NAALADL2: variants seen among roughly 807,000 people sequenced by gnomAD.
NAALADL2 encodes inactive N-acetylated-alpha-linked acidic dipeptidase-like protein 2.
In NAALADL2, 76 loss-of-function variants were observed where a neutral mutation model predicts 87.2. The ratio of observed to expected loss-of-function variants is 0.87; its 90% CI spans 0.72 to 1.05. NAALADL2 has a LOEUF of 1.05. Among genes scored for constraint, NAALADL2 ranks in the 50% least tolerant of loss-of-function variants. The pLI is 0.00. For missense variants in NAALADL2, 1,089 were observed against 945.8 expected, an observed-to-expected ratio of 1.15 and a Z score of -1.99; for synonymous variants, 354 against 331.0, an observed-to-expected ratio of 1.07 and a Z score of -0.75.
intron 3 of NAALADL2, among the ~76,000 whole-genome samples, chr3:175,252,812 G>A (rs1749286145): frequency 6.6e-6 from 1 of 152,148 alleles, no homozygotes. Flanking sequence ...AAGTTTGAGT[G>A]ATCAGGATAG....
chr3:174,874,078 C>T (rs2109639770), intron 1 of NAALADL2, among the ~76,000 whole-genome samples: 1 of 152,076 alleles, frequency 6.6e-6, no homozygotes, highest in Middle Eastern at 3.4e-3. Flanking sequence ...GCCTCCAGCC[C>T]ACTGATTACA....
At chr3:175,612,184 T>C in intron 10 of NAALADL2, among the ~76,000 whole-genome samples, 1 of 152,156 alleles carries the variant, frequency 6.6e-6, no homozygotes, top group East Asian at 1.9e-4. Flanking sequence ...AAGTCATTCA[T>C]ATGTTGCCAA....
chr3:175,288,737 G>C (rs538264564), intron 4 of NAALADL2, among the ~76,000 whole-genome samples: 2 of 152,250 alleles, frequency 1.3e-5, no homozygotes, highest in Admixed American at 6.5e-5. Flanking sequence ...TATTACCCCT[G>C]AATATAACCT....
rs193053371 is a variant in NAALADL2, at chr3:174,910,116, T to C, written c.43+50666T>C. Among the ~76,000 whole-genome samples the C allele has an allele frequency of 9.5e-4, 144 of 152,118 alleles. 1 individual carries two copies. In the East Asian group the frequency reaches 0.01, roughly 11 times the overall value. ...GAGATTTTAATCAGAATGTAGTTGA[T>C]TTTTTAGAGATTGGCTTTAAGAATA... On this transcript the variant is annotated intron_variant, in intron 1 of 13. Coordinates refer to ENST00000454872, the MANE Select transcript of NAALADL2 (RefSeq NM_207015.3).
At chr3:174,765,515 A>T (rs921541450) in intron 3 of NAALADL2, among the ~76,000 whole-genome samples, 11 of 152,106 alleles carry the variant, frequency 7.2e-5, no homozygotes, top group Non-Finnish European at 1.6e-4. Flanking sequence ...GTTTTCAAAA[A>T]CTTGCCATTT....
intron 9 of NAALADL2, among the ~76,000 whole-genome samples, chr3:175,500,334 G>T (rs75403153): frequency 0.032 from 4,859 of 152,086 alleles, 281 homozygotes; most frequent in African/African-American, 0.11. Flanking sequence ...TATTGAAGTA[G>T]AGATGGTAGT....
At chr3:175,171,275 T>C (rs529184587) in intron 2 of NAALADL2, among the ~76,000 whole-genome samples, 1 of 152,152 alleles carries the variant, frequency 6.6e-6, no homozygotes, top group East Asian at 1.9e-4. Context: ...TAGGCAAGTT[T>C]GAGACTGCAG....
At chr3:175,484,147 G>A (rs1002633355) in intron 9 of NAALADL2, among the ~76,000 whole-genome samples, 3 of 152,036 alleles carry the variant, frequency 2.0e-5, no homozygotes, top group Non-Finnish European at 4.4e-5. Context: ...TGTACCAAAA[G>A]TAAAATGTTT....
At chr3:174,896,062 T>C (rs985913604) in intron 1 of NAALADL2, among the ~76,000 whole-genome samples, 2 of 152,116 alleles carry the variant, frequency 1.3e-5, no homozygotes, top group African/African-American at 4.8e-5. Context: ...AAAAGCCATA[T>C]ATGACAGACC....
At chr3:175,260,180 G>T (rs1750773812) in intron 4 of NAALADL2, among the ~76,000 whole-genome samples, 1 of 152,040 alleles carries the variant, frequency 6.6e-6, no homozygotes, top group Admixed American at 6.5e-5. Flanking sequence ...GTGAGTTAGT[G>T]GTTTATCTGG....
intron 9 of NAALADL2, among the ~76,000 whole-genome samples, chr3:175,558,061 G>A (rs1027102167): frequency 6.6e-6 from 1 of 151,760 alleles, no homozygotes; most frequent in African/African-American, 2.4e-5. Context: ...CGGGCGTGGT[G>A]GCGGGCGCCT....
chr3:174,973,492 T>C (rs1033287605), intron 1 of NAALADL2, among the ~76,000 whole-genome samples: 2 of 152,198 alleles, frequency 1.3e-5, no homozygotes, highest in Admixed American at 1.3e-4. Context: ...TAATTGATAT[T>C]TGTTATTAAG....
chr3:174,980,431 T>C (rs187952454), intron 1 of NAALADL2, among the ~76,000 whole-genome samples: 1 of 152,140 alleles, frequency 6.6e-6, no homozygotes, highest in Non-Finnish European at 1.5e-5. Flanking sequence ...ACCCAGGAGT[T>C]TGAGGCTGCA....
In NAALADL2 at chr3:174,763,221, C is replaced by T. The variant is rs923745603; in HGVS notation, c.-9+25475C>T. On this transcript the variant is annotated intron_variant, in intron 3 of 3. Transcript: ENST00000434257. ...ATGAATTGAAATTTCCAATCCTGTT[C>T]AGAGTGATATATGAATATAATAATT... Among the ~76,000 whole-genome samples the T allele has an allele frequency of 2.6e-5, 4 of 151,930 alleles. No individual in the cohort carries two copies. In the South Asian group the frequency reaches 8.3e-4, roughly 32 times the overall value.
At chr3:175,559,721 T>C (rs1715961423) in intron 9 of NAALADL2, among the ~76,000 whole-genome samples, 1 of 152,238 alleles carries the variant, frequency 6.6e-6, no homozygotes, top group African/African-American at 2.4e-5. Context: ...TTCATCCTGT[T>C]GAAATGGTGT....
intron 3 of NAALADL2, among the ~76,000 whole-genome samples, chr3:174,751,494 T>A (rs1401754682): frequency 2.0e-5 from 3 of 151,532 alleles, no homozygotes; most frequent in Non-Finnish European, 4.4e-5. Flanking sequence ...GAAACCCCAT[T>A]TCTACTAAAA....
At chr3:175,743,942 G>C (rs1046224218) in intron 12 of NAALADL2, among the ~76,000 whole-genome samples, 34 of 152,278 alleles carry the variant, frequency 2.2e-4, no homozygotes, top group African/African-American at 8.2e-4. Flanking sequence ...AGTGAGTAAT[G>C]ATGAGTCAGG....
intron 2 of NAALADL2, among the ~76,000 whole-genome samples, chr3:174,620,244 G>A (rs1720869312): frequency 6.6e-6 from 1 of 151,970 alleles, no homozygotes; most frequent in South Asian, 2.1e-4. Context: ...TCTTGTCCTT[G>A]AGATGGTTAC....
At chr3:174,503,282 A>G (rs1719013867) in intron 1 of NAALADL2, among the ~76,000 whole-genome samples, 1 of 152,226 alleles carries the variant, frequency 6.6e-6, no homozygotes, top group Non-Finnish European at 1.5e-5. Context: ...TTCTGAATTT[A>G]CATAAGTCTT....
Sources: allele counts gnomAD v4.1 joint callset (sites outside exome capture counted in the v4.1 genomes callset), GRCh38; gene constraint gnomAD v4.1.1; transcripts MANE v1.5; gene names NCBI Gene and HGNC (gene_info 2026-07-23, HGNC 2026-07-21).